ZP1: variants seen among roughly 807,000 people sequenced by gnomAD.
ZP1 encodes zona pellucida sperm-binding protein 1.
A neutral mutation model predicts 67.4 loss-of-function variants in ZP1; 58 were observed. The ratio of observed to expected loss-of-function variants is 0.86; its 90% CI spans 0.70 to 1.07. The LOEUF is 1.07. Among genes scored for constraint, ZP1 ranks in the 50% least tolerant of loss-of-function variants. The probability of loss-of-function intolerance (pLI) is 0.00; values close to 1 mark genes in which losing one functional copy is unlikely to be tolerated. For synonymous variants in ZP1, 333 were observed against 332.7 expected, an observed-to-expected ratio of 1.00 and a Z score of -0.01; for missense variants, 759 against 807.3, an observed-to-expected ratio of 0.94 and a Z score of 0.72.
In ZP1 at chr11:60,873,323, C is replaced by T. The variant is rs764776001; in HGVS notation, c.1240+34C>T. ...TGCTATCCCTGCTCTCTTCTGGCCCCCACTTCCCTGATGCACAGCCCGCCC... is the reference window on the plus strand; with the variant it reads ...TGCTATCCCTGCTCTCTTCTGGCCCTCACTTCCCTGATGCACAGCCCGCCC... On this transcript the variant is annotated intron_variant, in intron 7 of 11. Transcript: ENST00000278853. 3 of 1,586,522 alleles carry T rather than the reference C, an allele frequency of 1.9e-6. No individual in the cohort carries two copies. The Admixed American group carries it at 5.1e-5, about 27-fold the overall frequency.
At chr11:60,869,491 C>G in intron 2 of ZP1, 46 bp from the exon 3 acceptor site, 1 of 1,560,458 alleles carries the variant, frequency 6.4e-7, no homozygotes. Context: ...CCTGGGTATG[C>G]TAGGTGGCCT....
chr11:60,869,496 T>C, intron 2 of ZP1, 41 bp from the exon 3 acceptor site: 1 of 1,563,248 alleles, frequency 6.4e-7, no homozygotes, highest in Non-Finnish European at 8.7e-7. Context: ...GTATGCTAGG[T>C]GGCCTCACCT....
chr11:60,875,622 G>C lies in ZP1; in HGVS notation c.1883G>C (p.Trp628Ser). 6.2e-7 allele frequency: 1 copy of C among 1,614,170 alleles called. No individual in the cohort carries two copies. Among genetic ancestry groups the C allele is most frequent in the South Asian group, 1.1e-5 (1 of 91,074 alleles). Residue 628 changes from tryptophan (W) to serine (S), a missense_variant, in exon 12 of 12, where the codon TGG becomes TCG. Trp to Ser is a radical substitution (Grantham distance 177). Transcript: ENST00000278853. ...GTCTTTGTGGGCCTGAGCCAGACCTGGGCCCAGAAGCTCTGGGAAAGCAAC... is the reference window on the plus strand; with the variant it reads ...GTCTTTGTGGGCCTGAGCCAGACCTCGGCCCAGAAGCTCTGGGAAAGCAAC... ...FGVFVGLSQT[W>S]AQKLWESNRQ
chr11:60,875,467 G>T, intron 11 of ZP1, 47 bp from the exon 12 acceptor site: 1 of 1,606,978 alleles, frequency 6.2e-7, no homozygotes, highest in Non-Finnish European at 8.5e-7. Flanking sequence ...TGGAGGGGAG[G>T]GTTGGAGGGG....
intron 7 of ZP1, 31 bp from the exon 8 acceptor site, chr11:60,873,344 C>T (rs768075237): frequency 7.5e-6 from 12 of 1,591,320 alleles, no homozygotes; most frequent in East Asian, 6.8e-5. Flanking sequence ...ATGCACAGCC[C>T]GCCCTGGCTC....
intron 1 of ZP1, 128 bp downstream of exon 1, chr11:60,867,885 C>A (rs1485510666): frequency 3.7e-5 from 38 of 1,015,288 alleles, no homozygotes; most frequent in Non-Finnish European, 4.7e-5. Flanking sequence ...TCCAGCCCCC[C>A]ACCCCCTCAC....
rs535235284 is a variant in ZP1, at chr11:60,873,776, G to T, written c.1572+1G>T. ...CTCCCAGAGAGCCCTCAGAGGACTG[G>T]TAAGAAGCCCCGGCTGCCGCATGCC... On this transcript the variant is annotated splice_donor_variant, in intron 9 of 11. Coordinates refer to ENST00000278853, the MANE Select transcript of ZP1 (RefSeq NM_207341.4). LOFTEE classifies it high-confidence loss of function. 6.2e-7 allele frequency: 1 copy of T among 1,613,604 alleles called. No individual in the cohort carries two copies. The highest frequency in any genetic ancestry group is 1.3e-5 in the African/African-American group (1 of 75,056).
At chr11:60,875,459 G>A (rs976344203) in intron 11 of ZP1, 55 bp from the exon 12 acceptor site, 2 of 1,602,536 alleles carry the variant, frequency 1.2e-6, no homozygotes, top group African/African-American at 2.7e-5. Flanking sequence ...TTCTGGGGTG[G>A]AGGGGAGGGT....
chr11:60,872,200 A>AT (rs1247727175), intron 6 of ZP1, among the ~76,000 whole-genome samples: 1 of 152,062 alleles, frequency 6.6e-6, no homozygotes, highest in East Asian at 1.9e-4. Context: ...CCCCATTTCT[A>AT]TTTTTTATTT....
In ZP1 at chr11:60,873,768, G is replaced by T. The variant is rs749684202; in HGVS notation, c.1565G>T (p.Arg522Ile). 6.2e-7 allele frequency: 1 copy of T among 1,613,862 alleles called. No homozygotes were observed. The highest frequency in any genetic ancestry group is 8.5e-7 in the Non-Finnish European group (1 of 1,180,026). Residue 522 changes from arginine (R) to isoleucine (I), a missense_variant, in exon 9 of 12, where the codon AGA becomes ATA. Coordinates refer to ENST00000278853, the MANE Select transcript of ZP1 (RefSeq NM_207341.4). ...GACTCAGGCTCCCAGAGAGCCCTCA[G>T]AGGACTGGTAAGAAGCCCCGGCTGC... The part of the protein sequence containing the change: ...LLDSGSQRAL[R>I]GLVYLFCSTS...
In ZP1 at chr11:60,875,121, CT is replaced by C. The variant is rs751690758; in HGVS notation, c.1655-7del. 6.2e-7 allele frequency: 1 copy of C among 1,613,666 alleles called. No homozygotes were observed. The highest frequency in any genetic ancestry group is 1.7e-5 in the Admixed American group (1 of 59,994). ...ACCAGCCCAAGATTTCATTCTTCCC[CT>C]GGGCAGGACAGCGACGATCCTCAGG... On this transcript the variant is annotated splice_polypyrimidine_tract_variant and splice_region_variant and intron_variant, in intron 10 of 11. Coordinates refer to ENST00000278853, the MANE Select transcript of ZP1 (RefSeq NM_207341.4).
chr11:60,870,890 C>A, intron 4 of ZP1, 67 bp from the exon 5 acceptor site: 1 of 1,509,740 alleles, frequency 6.6e-7, no homozygotes, highest in Non-Finnish European at 9.0e-7. Context: ...CTGGCTGTCA[C>A]CCAGCCATCC....
Position 60,870,333 on chromosome 11 carries a change from T to C in ZP1, c.684T>C (p.Gly228=), listed in dbSNP as rs1186503772. Residue 228 remains glycine (G), a splice_region_variant and synonymous_variant, in exon 4 of 12, where the codon GGT becomes GGC. Coordinates refer to ENST00000278853, the MANE Select transcript of ZP1 (RefSeq NM_207341.4). ...HWDVNKRDYI[G]THLSQEQCQV... ...CTCATCACTCTGTCCCAACCCTAGG[T>C]ACCCACCTGAGCCAGGAGCAGTGCC... is the stretch of plus-strand genomic sequence containing the variant. 1.2e-6 allele frequency: 2 copies of C among 1,600,690 alleles called. No homozygotes were observed. Among genetic ancestry groups the C allele is most frequent in the South Asian group, 2.3e-5 (2 of 88,748 alleles).
intron 1 of ZP1, 67 bp from the exon 2 acceptor site, chr11:60,869,078 C>T: frequency 1.3e-6 from 2 of 1,593,092 alleles, no homozygotes; most frequent in East Asian, 2.2e-5. Context: ...GGAACTCCTT[C>T]CGAGACCCCA....
rs1285520530 is a variant in ZP1 at position 60,871,381 on chromosome 11, G to A, written c.1112+67G>A. ...GGTGTCAGGGGCACAGGCGAGCTCA[G>A]TACAGGCTTCGGAGCCATCTCAGCT... On this transcript the variant is annotated intron_variant, in intron 6 of 11. Transcript: ENST00000278853. 3 of 1,552,132 alleles carry A rather than the reference G, an allele frequency of 1.9e-6. No homozygotes were observed. The African/African-American group carries it at 4.1e-5, about 21-fold the overall frequency.
intron 10 of ZP1, 32 bp from the exon 11 acceptor site, chr11:60,875,097 C>A: frequency 2.5e-6 from 4 of 1,613,408 alleles, no homozygotes; most frequent in Non-Finnish European, 3.4e-6. Flanking sequence ...GGGCAGGAGA[C>A]CAGCCCAAGA....
chr11:60,868,357 A>T (rs3862662), intron 1 of ZP1, among the ~76,000 whole-genome samples: 36,698 of 152,228 alleles, frequency 0.24, 5,292 homozygotes, highest in East Asian at 0.65. Context: ...TAGGCTCTGC[A>T]TCTCTAACCA....
chr11:60,873,138 C>T (rs372634388), intron 6 of ZP1, 24 bp from the exon 7 acceptor site: 13 of 1,525,612 alleles, frequency 8.5e-6, no homozygotes, highest in Non-Finnish European at 1.1e-5. Flanking sequence ...TCTTCTCCCC[C>T]ACCCTCTTGC....
Position 60,873,217 on chromosome 11 carries a change from AT to A in ZP1, c.1172del (p.Phe391SerfsTer9). 1.2e-6 allele frequency: 2 copies of A among 1,606,276 alleles called. No homozygotes were observed. The highest frequency in any genetic ancestry group is 1.7e-6 in the Non-Finnish European group (2 of 1,176,054). ...TGACTTCCTGCCCATTCAGGCATCC[AT>A]TTTCCCACCCCCATCGCCTGCTCCT... ...ASDFLPIQAS[I>X]FPPPSPAPMT... On this transcript the variant is annotated frameshift_variant, in exon 7 of 12. Transcript: ENST00000278853. LOFTEE classifies it high-confidence loss of function.
Sources: allele counts gnomAD v4.1 joint callset (sites outside exome capture counted in the v4.1 genomes callset), GRCh38; gene constraint gnomAD v4.1.1; transcripts MANE v1.5; gene names NCBI Gene and HGNC (gene_info 2026-07-23, HGNC 2026-07-21).